The following TMEM201 variants were observed in gnomAD, a reference collection of about 807,000 sequenced individuals.
TMEM201 encodes transmembrane protein 201, also known as RP13-15M17.2.
A neutral mutation model predicts 63.4 loss-of-function variants in TMEM201; 26 were observed. That is an observed-to-expected ratio of 0.41 (90% CI 0.30 to 0.57). TMEM201 has a LOEUF of 0.57. TMEM201 is among the 20% of genes least tolerant of loss of function. The probability of loss-of-function intolerance (pLI) is 0.29; values close to 1 mark genes in which losing one functional copy is unlikely to be tolerated. For synonymous variants in TMEM201, 417 were observed against 421.6 expected (o/e 0.99, Z 0.14); for missense variants, 794 against 917.7 (o/e 0.87, Z 1.74).
chr1:9,602,265 C>G lies in TMEM201; in HGVS notation c.1153C>G (p.Pro385Ala). The stretch of plus-strand genomic sequence containing the variant: ...GGCAACGGGCCCACGGAGGTTCCGG[C>G]CCCGAAGGTCAGAGAAGCAGCCATG... ...RKATGPRRFR[P>A]RRFFPGDSAG... Residue 385 changes from proline to alanine, a missense_variant, in exon 6 of 11, where the codon CCC becomes GCC. Pro to Ala is a conservative substitution (Grantham distance 27). Coordinates refer to ENST00000340381, the MANE Select transcript of TMEM201 (RefSeq NM_001130924.3). 6.2e-7 allele frequency: 1 copy of G among 1,611,194 alleles called. No homozygotes were observed. Among genetic ancestry groups the G allele is most frequent in the Non-Finnish European group, 8.5e-7 (1 of 1,179,782 alleles).
Position 9,605,084 on chromosome 1 carries a change from T to C in TMEM201, c.1161-2473T>C. On this transcript the variant is annotated intron_variant, in intron 6 of 10. Transcript: ENST00000340381. The surrounding 1 kb of genome is among the most constrained non-coding windows in gnomAD (Gnocchi z 5.7). ...AGTCAGGTTTGGGAGCCAGTGACAA[T>C]GACACCAGCTGGCTCGGGGCCCGGC... 1 of 920,942 alleles carries C rather than the reference T, an allele frequency of 1.1e-6. No individual in the cohort carries two copies. The highest frequency in any genetic ancestry group is 1.3e-6 in the Non-Finnish European group (1 of 770,980). 57.0% of individuals were successfully genotyped at this position (920,942 alleles called of 1,614,324 possible).
At position 9,604,556 on chromosome 1, in the gene TMEM201, G is replaced by A. The variant is rs1049019689; in HGVS notation, c.1160+2284G>A. 4.1e-6 allele frequency: 4 copies of A among 985,322 alleles called. No individual in the cohort carries two copies. In the African/African-American group the frequency reaches 5.2e-5, roughly 13 times the overall value. The allele number at this position is 985,322 out of a possible 1,614,324, so 61.0% of individuals were successfully genotyped here. On this transcript the variant is annotated intron_variant, in intron 6 of 10. Transcript: ENST00000340381. This position sits in a 1 kb window ranked among gnomAD's most constrained non-coding sequence, Gnocchi z 4.1. ...CCCCTGCCAGGGAACTCTTCTCCTCGCGGGGGACTTGGGATGGCCATCAGA... is the reference window on the plus strand; with the variant it reads ...CCCCTGCCAGGGAACTCTTCTCCTCACGGGGGACTTGGGATGGCCATCAGA...
At position 9,589,011 on chromosome 1, in the gene TMEM201, G is replaced by A; in HGVS notation, c.81G>A (p.Ala27=). ...AGGLGVTACA[A]AGVLLYRIAR... is the part of the protein sequence containing the mutation. ...GCCTGGGGGTCACGGCGTGCGCCGC[G>A]GCCGGCGTGTTGCTCTACCGGATCG... is the stretch of plus-strand genomic sequence containing the variant. The change falls in exon 1 of 11, where the codon GCG becomes GCA. Residue 27 remains alanine, a synonymous_variant. Transcript: ENST00000340381. The A allele has an allele frequency of 1.7e-6, 2 of 1,175,856 alleles. No homozygotes were observed. Among genetic ancestry groups the A allele is most frequent in the Non-Finnish European group, 2.1e-6 (2 of 946,466 alleles). The allele number at this position is 1,175,856 out of a possible 1,614,324, so 72.8% of individuals were successfully genotyped here.
chr1:9,605,124 T>C lies in TMEM201; in HGVS notation c.1161-2433T>C, dbSNP rs1320247238. 6.6e-6 allele frequency among the ~76,000 whole-genome samples: 1 copy of C among 152,162 alleles called. No individual in the cohort carries two copies. The highest frequency in any genetic ancestry group is 2.4e-5 in the African/African-American group (1 of 41,432). On this transcript the variant is annotated intron_variant, in intron 6 of 10. Transcript: ENST00000340381. The surrounding 1 kb of genome is among the most constrained non-coding windows in gnomAD (Gnocchi z 5.7). ...CGGGGCCCGGCTCGCCTCCTCGCCT[T>C]TGCTGGATCATATTTTTTCCGTCTC...
intron 1 of TMEM201, among the ~76,000 whole-genome samples, chr1:9,589,694 A>C (rs1468385767): frequency 8.5e-5 from 13 of 152,246 alleles, no homozygotes; most frequent in African/African-American, 7.2e-5. Context: ...CCCCGGGTTC[A>C]GATCCGGCCT....
rs2100519635 is a variant in TMEM201 at position 9,608,920 on chromosome 1, G to T, written c.1394-920G>T. Reference sequence around the variant, plus strand: ...TTACCAGAGTGGGTCGGGGGGAGGAGCCCGGTCTCCATCGCCAGAGGGTGG... The same window carrying T: ...TTACCAGAGTGGGTCGGGGGGAGGATCCCGGTCTCCATCGCCAGAGGGTGG... On this transcript the variant is annotated intron_variant, in intron 7 of 10. Coordinates refer to ENST00000340381, the MANE Select transcript of TMEM201 (RefSeq NM_001130924.3). This position sits in a 1 kb window ranked among gnomAD's most constrained non-coding sequence, Gnocchi z 4.3. 6.6e-6 allele frequency among the ~76,000 whole-genome samples: 1 copy of T among 152,302 alleles called. No individual in the cohort carries two copies. The highest frequency in any genetic ancestry group is 2.1e-4 in the South Asian group (1 of 4,826).
intron 1 of TMEM201, among the ~76,000 whole-genome samples, chr1:9,592,813 G>A (rs749902455): frequency 3.5e-4 from 53 of 152,180 alleles, no homozygotes; most frequent in Non-Finnish European, 7.3e-4. Context: ...CCAGGGGCTC[G>A]GCATCGAGCT....
Position 9,601,346 on chromosome 1 carries a change from C to T in TMEM201, c.848C>T (p.Ala283Val), listed in dbSNP as rs374807854. 33 of 1,607,776 alleles carry T rather than the reference C, an allele frequency of 2.1e-5. No homozygotes were observed. The highest frequency in any genetic ancestry group is 1.6e-4 in the Middle Eastern group (1 of 6,082). ...CTGGGCCTACTCCCCGAGCACATGG[C>T]GGAGAAGCTGTGTGAGGCCTGGGCC... ...QLLGLLPEHM[A>V]EKLCEAWAFG... is the part of the protein sequence containing the mutation. Residue 283 changes from alanine (A) to valine (V), a missense_variant, in exon 5 of 11, where the codon GCG becomes GTG. Physicochemically the swap from Ala to Val is moderately conservative, Grantham distance 64 (BLOSUM62 0). Coordinates refer to ENST00000340381, the MANE Select transcript of TMEM201 (RefSeq NM_001130924.3).
chr1:9,599,550 C>T (rs776854601), intron 4 of TMEM201, among the ~76,000 whole-genome samples: 8 of 152,186 alleles, frequency 5.3e-5, no homozygotes, highest in Non-Finnish European at 1.0e-4. Context: ...CCACCGCACC[C>T]GGCCTCCAAA....
chr1:9,596,922 A>C lies in TMEM201; in HGVS notation c.298A>C (p.Ser100Arg). 1 of 1,612,258 alleles carries C rather than the reference A, an allele frequency of 6.2e-7. No homozygotes were observed. Among genetic ancestry groups the C allele is most frequent in the Non-Finnish European group, 8.5e-7 (1 of 1,179,210 alleles). ...YLEHLNHVVSSAPSLRDPSQP... is the reference protein window; with the variant it reads ...YLEHLNHVVSRAPSLRDPSQP... ...GGAGCACCTGAACCACGTGGTGAGC[A>C]GCGCGCCCAGCCTGCGCGACCCTTC... is the stretch of plus-strand genomic sequence containing the variant. The change falls in exon 3 of 11, where the codon AGC (serine) becomes CGC (arginine). Residue 100 changes from serine to arginine, a missense_variant. Ser to Arg is a moderately radical substitution (Grantham distance 110). Coordinates refer to ENST00000340381, the MANE Select transcript of TMEM201 (RefSeq NM_001130924.3).
rs772153434 is a variant in TMEM201, at chr1:9,602,098, G to A, written c.986G>A (p.Cys329Tyr). The A allele has an allele frequency of 6.2e-7, 1 of 1,612,982 alleles. No homozygotes were observed. The highest frequency in any genetic ancestry group is 1.1e-5 in the South Asian group (1 of 91,072). ...RLRRIDAFCTCLWALLLGLHL... is the reference protein window; with the variant it reads ...RLRRIDAFCTYLWALLLGLHL... ...CGGAGGATCGATGCCTTCTGCACCT[G>A]CCTGTGGGCCCTGCTGCTGGGGCTG... The change falls in exon 6 of 11, where the codon TGC becomes TAC. Residue 329 changes from cysteine to tyrosine, a missense_variant. Coordinates refer to ENST00000340381, the MANE Select transcript of TMEM201 (RefSeq NM_001130924.3).
At position 9,610,890 on chromosome 1, in the gene TMEM201, C is replaced by A; in HGVS notation, c.1765+85C>A. 6.7e-7 allele frequency: 1 copy of A among 1,493,048 alleles called. No homozygotes were observed. Among genetic ancestry groups the A allele is most frequent in the South Asian group, 1.3e-5 (1 of 77,894 alleles). The allele number at this position is 1,493,048 out of a possible 1,614,324, so 92.5% of individuals were successfully genotyped here. Reference sequence around the variant, plus strand: ...GCTGTGCGGCGGTGGGGGGGCTCATCCTTGCTCTGACTCCGGTGTGCGCCT... The same window carrying A: ...GCTGTGCGGCGGTGGGGGGGCTCATACTTGCTCTGACTCCGGTGTGCGCCT... On this transcript the variant is annotated intron_variant, in intron 9 of 10. Transcript: ENST00000340381. The surrounding 1 kb of genome is among the most constrained non-coding windows in gnomAD (Gnocchi z 4.9).
rs1419627569 is a variant in TMEM201, at chr1:9,610,861, C to T, written c.1765+56C>T. The T allele has an allele frequency of 6.7e-7, 1 of 1,498,644 alleles. No homozygotes were observed. The highest frequency in any genetic ancestry group is 1.3e-5 in the South Asian group (1 of 77,552). 92.8% of individuals were successfully genotyped at this position (1,498,644 alleles called of 1,614,324 possible). ...TGGGAGGGCCTCTGCTGCCAAGAGGCCTGGCTGTGCGGCGGTGGGGGGGCT... is the reference window on the plus strand; with the variant it reads ...TGGGAGGGCCTCTGCTGCCAAGAGGTCTGGCTGTGCGGCGGTGGGGGGGCT... On this transcript the variant is annotated intron_variant, in intron 9 of 10. Transcript: ENST00000340381. This position sits in a 1 kb window ranked among gnomAD's most constrained non-coding sequence, Gnocchi z 4.9.
intron 6 of TMEM201, chr1:9,602,623 C>T: frequency 8.3e-7 from 1 of 1,205,374 alleles, no homozygotes; most frequent in South Asian, 1.9e-5. Flanking sequence ...TCCAGGCACC[C>T]CCCTCTCACC....
intron 2 of TMEM201, 99 bp downstream of exon 2, chr1:9,596,109 T>A (rs181201874): frequency 1.5e-5 from 22 of 1,458,558 alleles, no homozygotes; most frequent in Non-Finnish European, 1.9e-5. Flanking sequence ...GCCCCGGGGC[T>A]CATGGACCCC....
chr1:9,592,754 C>T (rs908899934), intron 1 of TMEM201, among the ~76,000 whole-genome samples: 1 of 152,206 alleles, frequency 6.6e-6, no homozygotes, highest in African/African-American at 2.4e-5. Flanking sequence ...ATGCAGCTGC[C>T]CTAGCTTTTT....
At chr1:9,612,947 C>T in intron 10 of TMEM201, 39 bp from the exon 11 acceptor site, 1 of 1,538,546 alleles carries the variant, frequency 6.5e-7, no homozygotes, top group Non-Finnish European at 8.8e-7. Context: ...GCGAACCCAC[C>T]CACCCAAACA....
intron 1 of TMEM201, 63 bp from the exon 2 acceptor site, chr1:9,595,827 G>T: frequency 6.2e-7 from 1 of 1,604,530 alleles, no homozygotes. Context: ...GCAGGGCATG[G>T]AGGTCCCTCT....
chr1:9,612,115 C>T (rs1569967165), intron 10 of TMEM201, among the ~76,000 whole-genome samples: 1 of 152,258 alleles, frequency 6.6e-6, no homozygotes, highest in Non-Finnish European at 1.5e-5. Flanking sequence ...ATTCCAGTAG[C>T]TTCTGGCCCC....
Sources: gnomAD v4.1 joint callset for allele counts (sites outside exome capture counted in the v4.1 genomes callset) on GRCh38, gnomAD v4.1.1 for gene constraint, Gnocchi (gnomAD v3.1) non-coding constraint, MANE v1.5 for transcripts, NCBI Gene and HGNC (gene_info 2026-07-23, HGNC 2026-07-21) for gene names.